BRD4: variants seen among roughly 807,000 people sequenced by gnomAD.
BRD4 encodes the protein bromodomain containing 4.
In BRD4, 16 loss-of-function variants were observed where a neutral mutation model predicts 142.1. That is an observed-to-expected ratio of 0.11 (90% confidence interval 0.08 to 0.17). The LOEUF (loss-of-function observed/expected upper bound fraction) is 0.17, where lower values mean the gene tolerates loss of function less well. Among genes scored for constraint, BRD4 ranks in the 10% least tolerant of loss-of-function variants. The pLI is 1.00. For missense variants in BRD4, 1,424 were observed against 1,810.9 expected, an observed-to-expected ratio of 0.79 and a Z score of 3.88; for synonymous variants, 833 against 707.5, an observed-to-expected ratio of 1.18 and a Z score of -2.82.
intron 4 of BRD4, among the ~76,000 whole-genome samples, chr19:15,266,196 T>G (rs2047532678): frequency 6.6e-6 from 1 of 152,162 alleles, no homozygotes; most frequent in Non-Finnish European, 1.5e-5. Context: ...AATGGTCACG[T>G]GGCACACCCA....
intron 1 of BRD4, among the ~76,000 whole-genome samples, chr19:15,302,340 G>T (rs981167716): frequency 6.6e-6 from 1 of 152,166 alleles, no homozygotes; most frequent in African/African-American, 2.4e-5. Flanking sequence ...AGGACAGCCT[G>T]GTCTGAACCA....
chr19:15,270,716 C>T (rs927940558), intron 2 of BRD4, among the ~76,000 whole-genome samples: 9 of 152,110 alleles, frequency 5.9e-5, no homozygotes. Context: ...AGAAAACAGA[C>T]AAGGAATACT....
chr19:15,327,028 G>A (rs1248305222), intron 1 of BRD4, among the ~76,000 whole-genome samples: 1 of 152,048 alleles, frequency 6.6e-6, no homozygotes, highest in Non-Finnish European at 1.5e-5. Flanking sequence ...AACCATGAAG[G>A]CAGAATACAA....
chr19:15,279,149 C>T (rs2047681274), intron 1 of BRD4, among the ~76,000 whole-genome samples: 6 of 152,182 alleles, frequency 3.9e-5, no homozygotes, highest in Admixed American at 3.9e-4. Context: ...CTAAGCATGC[C>T]TGTTTTCAAA....
chr19:15,296,924 GC>G (rs34311339), intron 1 of BRD4, among the ~76,000 whole-genome samples: 1 of 151,624 alleles, frequency 6.6e-6, no homozygotes, highest in African/African-American at 2.4e-5. Context: ...GACGGCAGAA[GC>G]CCCCCCCACC....
chr19:15,320,788 C>T (rs2048054861), intron 1 of BRD4, among the ~76,000 whole-genome samples: 1 of 152,230 alleles, frequency 6.6e-6, no homozygotes, highest in South Asian at 2.1e-4. Flanking sequence ...ATTTGGGATA[C>T]ACACATCCTT....
intron 11 of BRD4, among the ~76,000 whole-genome samples, chr19:15,250,031 G>A (rs1272396837): frequency 2.0e-5 from 3 of 152,150 alleles, no homozygotes; most frequent in Non-Finnish European, 4.4e-5. Context: ...GGGGCACTGG[G>A]CTTGTTCCCA....
At chr19:15,293,353 G>A (rs779975321) in intron 1 of BRD4, among the ~76,000 whole-genome samples, 3 of 152,134 alleles carry the variant, frequency 2.0e-5, no homozygotes, top group Non-Finnish European at 2.9e-5. Context: ...GCCACTGGCA[G>A]GCTTATCTCA....
At chr19:15,289,575 A>G (rs1212273210) in intron 1 of BRD4, among the ~76,000 whole-genome samples, 2 of 151,994 alleles carry the variant, frequency 1.3e-5, no homozygotes, top group Non-Finnish European at 2.9e-5. Context: ...AAATAAATAA[A>G]ATAAATCAGA....
intron 11 of BRD4, chr19:15,248,254 T>C: frequency 4.6e-6 from 1 of 217,596 alleles, no homozygotes; most frequent in Non-Finnish European, 9.2e-6. Flanking sequence ...GCTTGGATGA[T>C]GTGGCCACAC....
At chr19:15,268,526 C>A (rs771585478) in intron 3 of BRD4, among the ~76,000 whole-genome samples, 2 of 152,142 alleles carry the variant, frequency 1.3e-5, no homozygotes, top group African/African-American at 2.4e-5. Flanking sequence ...TGCACAACTA[C>A]ATTTTAGCAG....
At chr19:15,303,504 A>G (rs2047888957) in intron 1 of BRD4, among the ~76,000 whole-genome samples, 1 of 152,238 alleles carries the variant, frequency 6.6e-6, no homozygotes, top group Non-Finnish European at 1.5e-5. Context: ...GGAGAAAAGT[A>G]GCCTTAAACA....
Position 15,246,777 on chromosome 19 carries a change from G to A in BRD4, c.2159-2015C>T, listed in dbSNP as rs1455825013. 2.6e-5 allele frequency among the ~76,000 whole-genome samples: 4 copies of A among 152,240 alleles called. 1 individual carries two copies. In the East Asian group the frequency reaches 7.7e-4, roughly 29 times the overall value. ...GGAAAGGCCACAGGGAATATCCTGA[G>A]GACTTGTCTCCAGGGCCCCTTGCAA... On this transcript the variant is annotated intron_variant, in intron 11 of 19. Coordinates refer to ENST00000679869, the MANE Select transcript of BRD4 (RefSeq NM_001379291.1).
chr19:15,293,536 T>C (rs1314122894), intron 1 of BRD4, among the ~76,000 whole-genome samples: 1 of 152,228 alleles, frequency 6.6e-6, no homozygotes, highest in Non-Finnish European at 1.5e-5. Context: ...GTAAGAGCTT[T>C]AGCCGACTCG....
At chr19:15,331,644 C>G (rs1002956302) in intron 1 of BRD4, among the ~76,000 whole-genome samples, 5 of 152,138 alleles carry the variant, frequency 3.3e-5, no homozygotes, top group Admixed American at 1.3e-4. Flanking sequence ...TTCTCCGCAG[C>G]ACTCCGGGGA....
At chr19:15,244,807 G>A (rs760191793) in intron 11 of BRD4, 45 bp from the exon 12 acceptor site, 1 of 1,613,542 alleles carries the variant, frequency 6.2e-7, no homozygotes, top group African/African-American at 1.3e-5. Context: ...GGGAGAAGGT[G>A]AGTGAGCTGG....
At chr19:15,249,435 C>A (rs2145540096) in intron 11 of BRD4, 1 of 1,448,038 alleles carries the variant, frequency 6.9e-7, no homozygotes, top group Non-Finnish European at 9.4e-7. Flanking sequence ...GAGACTGGAG[C>A]CCTGCCCCGT....
In BRD4 at chr19:15,239,269, A is replaced by G; in HGVS notation, c.3577-5T>C. Reference sequence around the variant, plus strand: ...CATGTTCTTGATTTTCAGGTCCTGCAGAACAGAGAGGTTGGGGTGGGTGAG... The same window carrying G: ...CATGTTCTTGATTTTCAGGTCCTGCGGAACAGAGAGGTTGGGGTGGGTGAG... On this transcript the variant is annotated splice_polypyrimidine_tract_variant and splice_region_variant and intron_variant, in intron 17 of 19. Coordinates refer to ENST00000679869, the MANE Select transcript of BRD4 (RefSeq NM_001379291.1). This position sits in a 1 kb window ranked among gnomAD's most constrained non-coding sequence, Gnocchi z 7.4. The G allele has an allele frequency of 1.9e-6, 3 of 1,613,182 alleles. No homozygotes were observed. Among genetic ancestry groups the G allele is most frequent in the Non-Finnish European group, 2.5e-6 (3 of 1,179,520 alleles).
chr19:15,238,625 G>A lies in BRD4; in HGVS notation c.4020+118C>T, dbSNP rs1048169655. The A allele has an allele frequency of 5.2e-5, 76 of 1,457,336 alleles. No homozygotes were observed. Among genetic ancestry groups the A allele is most frequent in the Admixed American group, 1.1e-4 (4 of 37,022 alleles). The allele number at this position is 1,457,336 out of a possible 1,614,324, so 90.3% of individuals were successfully genotyped here. A position where few individuals can be genotyped will look rare whatever the true frequency, so the allele number is the denominator to read the frequency against. ...AGCTGAGTCCAGAGGACCACATGCC[G>A]ACCAGCAGGGACGGGGCTCCCCCGC... On this transcript the variant is annotated intron_variant, in intron 19 of 19. Transcript: ENST00000679869. The surrounding 1 kb of genome is among the most constrained non-coding windows in gnomAD (Gnocchi z 7.2).
Sources: gnomAD v4.1 joint callset for allele counts (sites outside exome capture counted in the v4.1 genomes callset) on GRCh38, gnomAD v4.1.1 for gene constraint, Gnocchi (gnomAD v3.1) non-coding constraint, MANE v1.5 for transcripts, NCBI Gene and HGNC (gene_info 2026-07-23, HGNC 2026-07-21) for gene names.